The following KIDINS220 variants were observed in gnomAD, a reference collection of about 807,000 sequenced individuals.
KIDINS220 encodes kinase D-interacting substrate of 220 kDa.
In KIDINS220, 63 loss-of-function variants were observed where a neutral mutation model predicts 157.6. The observed-to-expected ratio is 0.40, with a 90% confidence interval of 0.33 to 0.49. The LOEUF (loss-of-function observed/expected upper bound fraction) is 0.49. Ranked by LOEUF, KIDINS220 falls within the 20% of genes least tolerant of loss-of-function variation. The probability of loss-of-function intolerance (pLI) is 0.66; values close to 1 mark genes in which losing one functional copy is unlikely to be tolerated. For synonymous variants in KIDINS220, 732 were observed against 783.6 expected (o/e 0.93, Z 1.10); for missense variants, 1,772 against 2,171.2 (o/e 0.82, Z 3.65).
chr2:8,836,983 G>A (rs1408215477), intron 1 of KIDINS220, among the ~76,000 whole-genome samples: 3 of 152,030 alleles, frequency 2.0e-5, no homozygotes, highest in Admixed American at 6.6e-5. Flanking sequence ...GCACTATTTT[G>A]CCAGGCGTTT....
chr2:8,821,574 G>A (rs1677965084), intron 2 of KIDINS220, among the ~76,000 whole-genome samples: 1 of 152,228 alleles, frequency 6.6e-6, no homozygotes, highest in African/African-American at 2.4e-5. Flanking sequence ...CCTGGGTTCT[G>A]AAGCCATCTA....
intron 22 of KIDINS220, among the ~76,000 whole-genome samples, chr2:8,767,495 C>A (rs1669633964): frequency 6.6e-6 from 1 of 152,184 alleles, no homozygotes; most frequent in East Asian, 1.9e-4. Context: ...GAAGCAACAA[C>A]TTCCTCTAAA....
chr2:8,731,571 T>C lies in KIDINS220; in HGVS notation c.4465A>G (p.Lys1489Glu). ...GAAGATTTCTTGCCTGGGAGAAGCTTACTGCCTGACTGATCTGATTTTTCA... is the reference window on the plus strand; with the variant it reads ...GAAGATTTCTTGCCTGGGAGAAGCTCACTGCCTGACTGATCTGATTTTTCA... ...EDEKSDQSGSKLLPGKKSSER... is the reference protein window; with the variant it reads ...EDEKSDQSGSELLPGKKSSER... The change falls in exon 30 of 30, where the codon AAG becomes GAG. Residue 1489 changes from lysine (K) to glutamate (E), a missense_variant. By Grantham distance (56) the Lys-to-Glu change is moderately conservative. Transcript: ENST00000256707. The surrounding 1 kb of genome is among the most constrained non-coding windows in gnomAD (Gnocchi z 5.2). 2 of 1,614,162 alleles carry C rather than the reference T, an allele frequency of 1.2e-6. No homozygotes were observed. The highest frequency in any genetic ancestry group is 1.7e-6 in the Non-Finnish European group (2 of 1,179,992).
intron 28 of KIDINS220, among the ~76,000 whole-genome samples, chr2:8,733,936 T>A (rs1664502959): frequency 6.6e-6 from 1 of 152,162 alleles, no homozygotes; most frequent in African/African-American, 2.4e-5. Context: ...TACTTCTGTT[T>A]AAAACTTAAC....
chr2:8,795,018 C>T (rs1415376561), intron 11 of KIDINS220, among the ~76,000 whole-genome samples: 3 of 152,154 alleles, frequency 2.0e-5, no homozygotes, highest in South Asian at 2.1e-4. Context: ...TAGCTTATGT[C>T]GTAATAGGAA....
intron 21 of KIDINS220, among the ~76,000 whole-genome samples, chr2:8,775,773 G>A (rs1045990122): frequency 1.3e-5 from 2 of 152,156 alleles, no homozygotes; most frequent in Admixed American, 6.6e-5. Context: ...CTTGGGAAGG[G>A]AGCAACAATC....
intron 17 of KIDINS220, 72 bp from the exon 18 acceptor site, chr2:8,779,886 C>T (rs1175324009): frequency 8.6e-6 from 13 of 1,510,616 alleles, no homozygotes; most frequent in Admixed American, 5.2e-5. Context: ...TCTTAGAAAG[C>T]GTGATAGAAA....
chr2:8,747,105 T>C (rs1666687422), intron 26 of KIDINS220, 40 bp downstream of exon 26: 4 of 1,578,284 alleles, frequency 2.5e-6, no homozygotes, highest in Non-Finnish European at 3.5e-6. Flanking sequence ...GCAGAAGCAA[T>C]GAGATGCCAG....
chr2:8,817,666 G>A lies in KIDINS220; in HGVS notation c.258C>T (p.Ile86=), dbSNP rs189651811. Residue 86 remains isoleucine, a synonymous_variant, in exon 4 of 30, where the codon ATC becomes ATT. Transcript: ENST00000256707. ...CCCCACATTTCAGTAGTTCCTCTAC[G>A]ATGTGCACATGCCCTTCTTTCGATG... ...ISASKEGHVH[I]VEELLKCGVN... 4.6e-5 allele frequency: 74 copies of A among 1,607,564 alleles called. No individual in the cohort carries two copies. The highest frequency in any genetic ancestry group is 1.7e-4 in the African/African-American group (13 of 74,872).
intron 26 of KIDINS220, among the ~76,000 whole-genome samples, chr2:8,739,218 A>T (rs1665294720): frequency 6.6e-6 from 1 of 152,218 alleles, no homozygotes; most frequent in Non-Finnish European, 1.5e-5. Flanking sequence ...ACTTTCAAGC[A>T]TATTTTATCC....
intron 22 of KIDINS220, among the ~76,000 whole-genome samples, chr2:8,754,367 G>T (rs1465257187): frequency 6.6e-6 from 1 of 152,226 alleles, no homozygotes; most frequent in Non-Finnish European, 1.5e-5. Context: ...TCTTTTGGCA[G>T]TGGGCCATCA....
chr2:8,747,672 C>T, intron 25 of KIDINS220: 1 of 393,118 alleles, frequency 2.5e-6, no homozygotes, highest in South Asian at 5.5e-5. Context: ...ATAAACAAGT[C>T]AACATTTCTT....
intron 2 of KIDINS220, among the ~76,000 whole-genome samples, chr2:8,826,361 C>A (rs982232224): frequency 1.3e-5 from 2 of 152,176 alleles, no homozygotes; most frequent in African/African-American, 2.4e-5. Context: ...GTAATCCCAG[C>A]ACTTTGGGAG....
At chr2:8,732,016 C>A (rs1177866955) in intron 29 of KIDINS220, 34 bp from the exon 30 acceptor site, 3 of 1,506,656 alleles carry the variant, frequency 2.0e-6, no homozygotes, top group African/African-American at 1.4e-5. Context: ...TTTAAAAATT[C>A]AAATAAGAAG....
chr2:8,797,052 A>C (rs533001266), intron 10 of KIDINS220, among the ~76,000 whole-genome samples, 183 bp from the exon 11 acceptor site: 2 of 152,358 alleles, frequency 1.3e-5, no homozygotes, highest in African/African-American at 4.8e-5. Context: ...ATTTGTATCA[A>C]AGTGACTGTA....
intron 13 of KIDINS220, 99 bp from the exon 14 acceptor site, chr2:8,790,158 A>G: frequency 9.0e-7 from 1 of 1,112,038 alleles, no homozygotes; most frequent in Non-Finnish European, 1.3e-6. Context: ...GTAAACATTT[A>G]TTGGACACTT....
At chr2:8,736,252 G>A (rs556189784) in intron 27 of KIDINS220, among the ~76,000 whole-genome samples, 17 of 152,248 alleles carry the variant, frequency 1.1e-4, no homozygotes, top group African/African-American at 4.1e-4. Flanking sequence ...CTACTATAAA[G>A]ACTTCGTTAA....
downstream of KIDINS220, chr2:8,724,082 T>G (rs1663132780): frequency 6.6e-6 from 1 of 152,280 alleles, no homozygotes; most frequent in African/African-American, 2.4e-5. This position sits in a 1 kb window ranked among gnomAD's most constrained non-coding sequence, Gnocchi z 4.6. Context: ...CATGCCTGGC[T>G]TAGGTCCCTA....
chr2:8,731,378 G>A lies in KIDINS220; in HGVS notation c.4658C>T (p.Pro1553Leu), dbSNP rs76169344. The A allele has an allele frequency of 6.1e-5, 98 of 1,614,142 alleles. No individual in the cohort carries two copies. The highest frequency in any genetic ancestry group is 1.4e-4 in the South Asian group (13 of 91,084). ...RKAEGKVERV[P>L]KSPEHSAEPI... is the part of the protein sequence containing the mutation. Reference sequence around the variant, plus strand: ...CTCAGCACTGTGTTCTGGAGACTTCGGCACTCTCTCTACTTTCCCTTCGGC... The same window carrying A: ...CTCAGCACTGTGTTCTGGAGACTTCAGCACTCTCTCTACTTTCCCTTCGGC... Residue 1553 changes from proline (P) to leucine (L), a missense_variant, in exon 30 of 30, where the codon CCG becomes CTG. Transcript: ENST00000256707. This position sits in a 1 kb window ranked among gnomAD's most constrained non-coding sequence, Gnocchi z 5.2.
Sources: gnomAD v4.1 joint callset for allele counts (sites outside exome capture counted in the v4.1 genomes callset) on GRCh38, gnomAD v4.1.1 for gene constraint, Gnocchi (gnomAD v3.1) non-coding constraint, MANE v1.5 for transcripts, NCBI Gene and HGNC (gene_info 2026-07-23, HGNC 2026-07-21) for gene names.